Variants in CNTN5 observed in about 807,000 individuals in gnomAD.
The protein encoded by CNTN5 is contactin-5.
In CNTN5, 77 loss-of-function variants were observed where a neutral mutation model predicts 129.1. The ratio of observed to expected loss-of-function variants is 0.60; its 90% confidence interval spans 0.50 to 0.72. CNTN5 has a LOEUF of 0.72. Ranked by LOEUF, CNTN5 falls within the 30% of genes least tolerant of loss-of-function variation. The probability of loss-of-function intolerance (pLI) is 0.00; values close to 1 mark genes in which losing one functional copy is unlikely to be tolerated. For missense variants in CNTN5, 1,478 were observed against 1,328.8 expected (o/e 1.11, Z -1.75); for synonymous variants, 509 against 465.6 (o/e 1.09, Z -1.20).
At chr11:100,148,545 T>A (rs932758326) in intron 13 of CNTN5, among the ~76,000 whole-genome samples, 13 of 152,200 alleles carry the variant, frequency 8.5e-5, no homozygotes, top group African/African-American at 3.1e-4. Context: ...TGAGATCTGC[T>A]AACTAACTCC....
intron 6 of CNTN5, among the ~76,000 whole-genome samples, chr11:99,893,457 T>C (rs928917022): frequency 6.6e-6 from 1 of 152,212 alleles, no homozygotes; most frequent in Non-Finnish European, 1.5e-5. Context: ...GTTCAGATAG[T>C]AATTCAATAA....
intron 3 of CNTN5, among the ~76,000 whole-genome samples, chr11:99,710,992 G>A (rs1954962330): frequency 6.6e-6 from 1 of 151,868 alleles, no homozygotes; most frequent in Admixed American, 6.6e-5. Context: ...TAGTATTAAT[G>A]TGTCCCACAT....
chr11:100,338,007 C>T (rs1017610142), intron 21 of CNTN5, among the ~76,000 whole-genome samples: 1 of 152,206 alleles, frequency 6.6e-6, no homozygotes, highest in Non-Finnish European at 1.5e-5. Flanking sequence ...CTCTAGGGAA[C>T]TACATCAGAA....
At chr11:99,937,367 A>G (rs1327424834) in intron 7 of CNTN5, among the ~76,000 whole-genome samples, 2 of 152,212 alleles carry the variant, frequency 1.3e-5, no homozygotes, top group Non-Finnish European at 2.9e-5. Context: ...GAAGCTAACA[A>G]GCATCGAAAA....
At chr11:99,639,478 T>C (rs189885080) in intron 3 of CNTN5, among the ~76,000 whole-genome samples, 205 of 152,038 alleles carry the variant, frequency 1.3e-3, no homozygotes, top group Admixed American at 2.6e-3. Flanking sequence ...TATTGCATAG[T>C]CAGGCTGCAA....
intron 4 of CNTN5, among the ~76,000 whole-genome samples, chr11:99,844,290 G>A (rs920521110): frequency 3.3e-5 from 5 of 152,028 alleles, no homozygotes; most frequent in Admixed American, 1.3e-4. Flanking sequence ...TTGAAAGCAT[G>A]TCTTATTTAT....
chr11:99,443,049 G>A (rs1943902283), intron 2 of CNTN5, among the ~76,000 whole-genome samples: 1 of 152,130 alleles, frequency 6.6e-6, no homozygotes, highest in Non-Finnish European at 1.5e-5. Flanking sequence ...GTTGAATAAA[G>A]TGATAAAATA....
At chr11:99,364,330 T>A (rs991512848) in intron 2 of CNTN5, among the ~76,000 whole-genome samples, 6 of 152,028 alleles carry the variant, frequency 3.9e-5, no homozygotes, top group Non-Finnish European at 1.5e-5. Context: ...AATACTCAAG[T>A]GGTTGTAGGA....
chr11:99,532,856 G>T (rs1312824527), intron 2 of CNTN5, among the ~76,000 whole-genome samples: 1 of 152,168 alleles, frequency 6.6e-6, no homozygotes, highest in African/African-American at 2.4e-5. Flanking sequence ...GTGTGAAAAT[G>T]GACTAGTACA....
At chr11:99,169,220 C>T (rs764299247) in intron 1 of CNTN5, among the ~76,000 whole-genome samples, 10 of 152,122 alleles carry the variant, frequency 6.6e-5, no homozygotes, top group Non-Finnish European at 1.3e-4. Context: ...TTACTCATGA[C>T]TTAATAGTTA....
intron 7 of CNTN5, among the ~76,000 whole-genome samples, chr11:99,926,999 G>A (rs1413022704): frequency 1.3e-5 from 2 of 152,262 alleles, no homozygotes; most frequent in African/African-American, 2.4e-5. Flanking sequence ...TCTAGGAAGT[G>A]TAATTGAGTG....
chr11:100,174,641 T>A (rs1947910345), intron 13 of CNTN5, among the ~76,000 whole-genome samples: 1 of 152,070 alleles, frequency 6.6e-6, no homozygotes, highest in Admixed American at 6.6e-5. Context: ...GACAAGTCTG[T>A]TTCTCCATTT....
chr11:99,909,445 A>G (rs938011135), intron 6 of CNTN5, among the ~76,000 whole-genome samples: 23 of 152,164 alleles, frequency 1.5e-4, no homozygotes, highest in African/African-American at 5.5e-4. Flanking sequence ...ATTTGACTCA[A>G]CCATCCCATT....
intron 1 of CNTN5, among the ~76,000 whole-genome samples, chr11:99,129,012 G>A (rs1858795642): frequency 6.6e-6 from 1 of 152,140 alleles, no homozygotes; most frequent in African/African-American, 2.4e-5. Flanking sequence ...GAAAAACCAA[G>A]CAAAAATGCT....
chr11:99,268,147 G>C (rs1056445767), intron 1 of CNTN5, among the ~76,000 whole-genome samples: 2 of 151,968 alleles, frequency 1.3e-5, no homozygotes, highest in South Asian at 2.1e-4. Context: ...TCTCAACCAA[G>C]AGCTATTTTG....
chr11:99,040,154 A>T (rs1863930807), intron 1 of CNTN5, among the ~76,000 whole-genome samples: 1 of 152,138 alleles, frequency 6.6e-6, no homozygotes, highest in African/African-American at 2.4e-5. Flanking sequence ...AAAATGATGC[A>T]GGAAGTGGAA....
At chr11:99,218,122 T>G (rs564958280) in intron 1 of CNTN5, among the ~76,000 whole-genome samples, 1 of 152,270 alleles carries the variant, frequency 6.6e-6, no homozygotes, top group South Asian at 2.1e-4. Context: ...CTTTGCCAAA[T>G]CTAATGGTGG....
intron 8 of CNTN5, among the ~76,000 whole-genome samples, chr11:99,983,564 G>A (rs939143467): frequency 6.6e-6 from 1 of 152,182 alleles, no homozygotes; most frequent in African/African-American, 2.4e-5. Flanking sequence ...CTTGCTTTCA[G>A]CACAAAAACT....
chr11:100,160,145 C>G (rs1947395992), intron 13 of CNTN5, among the ~76,000 whole-genome samples: 1 of 151,890 alleles, frequency 6.6e-6, no homozygotes, highest in African/African-American at 2.4e-5. Flanking sequence ...TTGTTCACCT[C>G]CCACTTATGA....
Sources: allele counts gnomAD v4.1 joint callset (sites outside exome capture counted in the v4.1 genomes callset), GRCh38; gene constraint gnomAD v4.1.1; transcripts MANE v1.5; gene names NCBI Gene and HGNC (gene_info 2026-07-23, HGNC 2026-07-21).